Variants in MAML2 observed in about 807,000 individuals in gnomAD.
The protein encoded by MAML2 is mastermind like transcriptional coactivator 2.
In MAML2, 22 loss-of-function variants were observed where a neutral mutation model predicts 96.1. The ratio of observed to expected loss-of-function variants is 0.23; its 90% confidence interval spans 0.16 to 0.33. The LOEUF (loss-of-function observed/expected upper bound fraction) is 0.33, where lower values mean the gene tolerates loss of function less well. MAML2 is among the 10% of genes least tolerant of loss of function. The pLI, the probability that MAML2 is intolerant of heterozygous loss-of-function variation, is 1.00. For missense variants in MAML2, 1,367 were observed against 1,392.4 expected, an observed-to-expected ratio of 0.98 and a Z score of 0.29; for synonymous variants, 561 against 521.3, an observed-to-expected ratio of 1.08 and a Z score of -1.04.
chr11:96,293,759 A>G (rs945661939), intron 1 of MAML2, among the ~76,000 whole-genome samples: 14 of 152,192 alleles, frequency 9.2e-5, no homozygotes, highest in African/African-American at 3.4e-4. Flanking sequence ...GTTAAAGTGA[A>G]ACAGACTCAC....
rs145913536 is a variant in MAML2 at position 96,139,690 on chromosome 11, C to T, written c.514-46173G>A. Among the ~76,000 whole-genome samples, 392 of 152,140 alleles carry T rather than the reference C, an allele frequency of 2.6e-3. 6 individuals carry two copies. Among genetic ancestry groups the T allele is most frequent in the Admixed American group, 0.018 (279 of 15,276 alleles). On this transcript the variant is annotated intron_variant, in intron 1 of 4. Transcript: ENST00000524717. ...CCTCTGGGGCTACCTCTCCCCTTTA[C>T]CTACTCATAATCATTTTGGTCAGCA... is the stretch of plus-strand genomic sequence containing the variant.
At position 96,330,561 on chromosome 11, in the gene MAML2, A is replaced by G. The variant is rs572555905; in HGVS notation, c.513+10822T>C. On this transcript the variant is annotated intron_variant, in intron 1 of 4. Coordinates refer to ENST00000524717, the MANE Select transcript of MAML2 (RefSeq NM_032427.4). ...AGTTAGTGGCTTAAAACAATGACGC[A>G]ATATTTCTCATAATTCTGTGGATTG... Among the ~76,000 whole-genome samples, 79 of 152,322 alleles carry G rather than the reference A, an allele frequency of 5.2e-4. 2 individuals carry two copies. In the South Asian group the frequency reaches 0.016, roughly 30 times the overall value.
At chr11:96,180,073 C>T (rs1861458744) in intron 1 of MAML2, among the ~76,000 whole-genome samples, 1 of 152,136 alleles carries the variant, frequency 6.6e-6, no homozygotes, top group South Asian at 2.1e-4. Flanking sequence ...TTTTGGATCC[C>T]CTTCTGGAGT....
At chr11:96,276,686 T>G (rs1862991996) in intron 1 of MAML2, among the ~76,000 whole-genome samples, 1 of 152,040 alleles carries the variant, frequency 6.6e-6, no homozygotes, top group Admixed American at 6.6e-5. Context: ...GTCTGTGCCT[T>G]TAAAACACCA....
In MAML2 at chr11:96,171,822, G is replaced by A. The variant is rs1240691760; in HGVS notation, c.514-78305C>T. Reference sequence around the variant, plus strand: ...AAAGGAGGTTGTGCATTCTTTAGGGGAGGGAGGCGTCTGTGGAAGGCCCTT... The same window carrying A: ...AAAGGAGGTTGTGCATTCTTTAGGGAAGGGAGGCGTCTGTGGAAGGCCCTT... On this transcript the variant is annotated intron_variant, in intron 1 of 4. Transcript: ENST00000524717. Among the ~76,000 whole-genome samples, 4 of 152,240 alleles carry A rather than the reference G, an allele frequency of 2.6e-5. No individual in the cohort carries two copies. In the South Asian group the frequency reaches 6.2e-4, roughly 24 times the overall value.
rs35797274 is a variant in MAML2 at position 96,178,095 on chromosome 11, C to CTT, written c.514-84580_514-84579dup. ...CTGGGAATTTTTCTTTCTTTTTTTTCTTTTTTTTTTGCTGACACAGCCAGG... is the reference window on the plus strand; with the variant it reads ...CTGGGAATTTTTCTTTCTTTTTTTTCTTTTTTTTTTTTGCTGACACAGCCAGG... On this transcript the variant is annotated intron_variant, in intron 1 of 4. Transcript: ENST00000524717. 4.1e-3 allele frequency among the ~76,000 whole-genome samples: 588 copies of CTT among 143,134 alleles called. 11 individuals are homozygous for CTT. Among genetic ancestry groups the CTT allele is most frequent in the Admixed American group, 0.019 (271 of 14,398 alleles). 93.9% of individuals were successfully genotyped at this position (143,134 alleles called of 152,430 possible).
chr11:96,261,265 T>C (rs1176131595), intron 1 of MAML2, among the ~76,000 whole-genome samples: 2 of 152,140 alleles, frequency 1.3e-5, no homozygotes, highest in African/African-American at 2.4e-5. Flanking sequence ...CGCCACGTGA[T>C]GCCCTGTGCC....
chr11:96,045,346 G>A (rs955522147), intron 2 of MAML2, among the ~76,000 whole-genome samples: 1 of 152,138 alleles, frequency 6.6e-6, no homozygotes, highest in Non-Finnish European at 1.5e-5. Context: ...AAGAAGACCT[G>A]GGTGAACCCT....
At chr11:96,116,273 C>T (rs1860238993) in intron 1 of MAML2, among the ~76,000 whole-genome samples, 2 of 152,120 alleles carry the variant, frequency 1.3e-5, no homozygotes, top group South Asian at 4.1e-4. Context: ...TGCATATGTC[C>T]CTTCTCACTG....
rs1029425662 is a variant in MAML2 at position 96,239,609 on chromosome 11, A to G, written c.513+101774T>C. ...GAATTCAAAGTACAGGCGAATCAAGAAAAAAAAAAGTAGAAAGAAACCTTG... is the reference window on the plus strand; with the variant it reads ...GAATTCAAAGTACAGGCGAATCAAGGAAAAAAAAAGTAGAAAGAAACCTTG... On this transcript the variant is annotated intron_variant, in intron 1 of 4. Coordinates refer to ENST00000524717, the MANE Select transcript of MAML2 (RefSeq NM_032427.4). 2.0e-5 allele frequency among the ~76,000 whole-genome samples: 3 copies of G among 149,640 alleles called. No individual in the cohort carries two copies. In the East Asian group the frequency reaches 5.8e-4, roughly 29 times the overall value.
At chr11:96,018,269 T>A (rs899115108) in intron 2 of MAML2, among the ~76,000 whole-genome samples, 5 of 152,126 alleles carry the variant, frequency 3.3e-5, no homozygotes, top group Non-Finnish European at 5.9e-5. Flanking sequence ...CTGGGATATG[T>A]CAAGTTTGAG....
intron 1 of MAML2, among the ~76,000 whole-genome samples, chr11:96,280,100 A>T (rs1863044132): frequency 6.6e-6 from 1 of 152,256 alleles, no homozygotes; most frequent in Non-Finnish European, 1.5e-5. Context: ...ACACACAATC[A>T]TTCTTTTATT....
At chr11:96,077,909 G>A (rs1272261876) in intron 2 of MAML2, among the ~76,000 whole-genome samples, 1 of 152,230 alleles carries the variant, frequency 6.6e-6, no homozygotes, top group Non-Finnish European at 1.5e-5. Flanking sequence ...CATTTGGGCA[G>A]TACCTACACT....
intron 1 of MAML2, among the ~76,000 whole-genome samples, chr11:96,289,096 G>T (rs1301649934): frequency 1.3e-5 from 2 of 152,104 alleles, no homozygotes; most frequent in African/African-American, 4.8e-5. Context: ...TAGTACTTTA[G>T]TCATGAAATG....
intron 2 of MAML2, among the ~76,000 whole-genome samples, chr11:96,009,931 C>T (rs1189355617): frequency 2.0e-5 from 3 of 152,050 alleles, no homozygotes; most frequent in Non-Finnish European, 2.9e-5. Flanking sequence ...GATAAAAAAC[C>T]AATCAGGCCT....
chr11:96,260,509 G>T (rs929556853), intron 1 of MAML2, among the ~76,000 whole-genome samples: 2 of 152,186 alleles, frequency 1.3e-5, no homozygotes, highest in Non-Finnish European at 2.9e-5. Flanking sequence ...TAGGAGAGGG[G>T]TGTGCTTTTG....
intron 1 of MAML2, among the ~76,000 whole-genome samples, chr11:96,326,525 G>A (rs1863784638): frequency 6.6e-6 from 1 of 151,958 alleles, no homozygotes; most frequent in South Asian, 2.1e-4. Context: ...GGCTGGGTGC[G>A]GTGGCTCATG....
intron 2 of MAML2, among the ~76,000 whole-genome samples, chr11:96,068,438 TCA>T (rs10522513): frequency 0.018 from 2,226 of 120,338 alleles, 30 homozygotes; most frequent in African/African-American, 0.023. Flanking sequence ...GGAGCTTACT[TCA>T]CACACACACA....
intron 1 of MAML2, among the ~76,000 whole-genome samples, chr11:96,206,837 G>A (rs908912360): frequency 6.6e-6 from 1 of 152,102 alleles, no homozygotes; most frequent in African/African-American, 2.4e-5. Flanking sequence ...GGAAATTTCT[G>A]GAAAAATAGA....
Sources: allele counts gnomAD v4.1 joint callset (sites outside exome capture counted in the v4.1 genomes callset), GRCh38; gene constraint gnomAD v4.1.1; transcripts MANE v1.5; gene names NCBI Gene and HGNC (gene_info 2026-07-23, HGNC 2026-07-21).